Variants in STARD6 observed in about 807,000 individuals in gnomAD.
The protein encoded by STARD6 is StAR related lipid transfer domain containing 6.
A neutral mutation model predicts 22.3 loss-of-function variants in STARD6; 21 were observed. The observed-to-expected ratio is 0.94, with a 90% confidence interval of 0.67 to 1.35. The LOEUF is 1.35. Ranked by LOEUF, STARD6 falls within the 40% of genes most tolerant of loss-of-function variation. The pLI, the probability that STARD6 is intolerant of heterozygous loss-of-function variation, is 0.00. For missense variants in STARD6, 269 were observed against 266.9 expected, an observed-to-expected ratio of 1.01 and a Z score of -0.05; for synonymous variants, 80 against 88.1, an observed-to-expected ratio of 0.91 and a Z score of 0.52.
chr18:54,337,384 A>C (rs2088925592), intron 4 of STARD6, 133 bp from the exon 5 acceptor site: 1 of 663,716 alleles, frequency 1.5e-6, no homozygotes, highest in South Asian at 2.9e-5. Flanking sequence ...TACTATCAGC[A>C]ATTCAATATA....
At chr18:54,348,606 C>T (rs2144692093) in intron 4 of STARD6, among the ~76,000 whole-genome samples, 1 of 152,082 alleles carries the variant, frequency 6.6e-6, no homozygotes, top group South Asian at 2.1e-4. Flanking sequence ...AATAACAGTG[C>T]TTACATTGTG....
intron 4 of STARD6, among the ~76,000 whole-genome samples, chr18:54,351,176 C>G (rs1568174379): frequency 1.3e-5 from 2 of 152,092 alleles, no homozygotes; most frequent in Non-Finnish European, 2.9e-5. Flanking sequence ...TGCAGTTTCC[C>G]TTGTAGAGAT....
At chr18:54,325,236 TTC>T (rs1349992820) in intron 7 of STARD6, among the ~76,000 whole-genome samples, 1 of 151,766 alleles carries the variant, frequency 6.6e-6, no homozygotes. Flanking sequence ...GTGACTATCT[TTC>T]TCTCTCTCTA....
intron 5 of STARD6, among the ~76,000 whole-genome samples, chr18:54,336,747 C>T (rs1045068015): frequency 6.6e-6 from 1 of 152,164 alleles, no homozygotes; most frequent in Non-Finnish European, 1.5e-5. Flanking sequence ...TCGCCTTCTG[C>T]CATGATTGTA....
chr18:54,331,329 C>A (rs1375233556), intron 6 of STARD6, among the ~76,000 whole-genome samples: 1 of 152,086 alleles, frequency 6.6e-6, no homozygotes, highest in Non-Finnish European at 1.5e-5. Context: ...AATAAAAGCA[C>A]ATTTATGTAA....
chr18:54,336,800 A>G (rs960354906), intron 5 of STARD6, among the ~76,000 whole-genome samples: 1 of 152,234 alleles, frequency 6.6e-6, no homozygotes, highest in African/African-American at 2.4e-5. Context: ...ATAAGTCTAC[A>G]GACTTCCCAT....
intron 7 of STARD6, among the ~76,000 whole-genome samples, chr18:54,326,805 T>C (rs2088829075): frequency 1.3e-5 from 2 of 152,042 alleles, no homozygotes; most frequent in Non-Finnish European, 2.9e-5. Context: ...GTGCTGGAAT[T>C]ATACTCTCTC....
chr18:54,355,652 T>C (rs900037794), intron 2 of STARD6: 1 of 152,154 alleles, frequency 6.6e-6, no homozygotes, highest in Non-Finnish European at 1.5e-5. Context: ...CTCTGAGAAA[T>C]AAATTTATTG....
At chr18:54,329,286 A>G in intron 7 of STARD6, 61 bp downstream of exon 7, 1 of 1,371,740 alleles carries the variant, frequency 7.3e-7, no homozygotes, top group South Asian at 1.4e-5. Flanking sequence ...GCAATCTTAA[A>G]CTAAATCACA....
At chr18:54,340,295 G>A (rs972788032) in intron 4 of STARD6, among the ~76,000 whole-genome samples, 3 of 152,076 alleles carry the variant, frequency 2.0e-5, no homozygotes, top group Admixed American at 6.5e-5. Flanking sequence ...CCATATAGAA[G>A]TAAAGCTTTT....
Position 54,324,772 on chromosome 18 carries a change from A to C in STARD6, c.583T>G (p.Phe195Val), listed in dbSNP as rs901464226. 5.0e-6 allele frequency: 8 copies of C among 1,610,960 alleles called. No individual in the cohort carries two copies. Among genetic ancestry groups the C allele is most frequent in the Non-Finnish European group, 6.8e-6 (8 of 1,178,940 alleles). The part of the protein sequence containing the change: ...EKTMPSNLVN[F>V]ILNAKDGIKA... Reference sequence around the variant, plus strand: ...ATTCCATCTTTTGCATTGAGGATGAAGTTTACTAAGTTGGAAGGCATGGTT... The same window carrying C: ...ATTCCATCTTTTGCATTGAGGATGACGTTTACTAAGTTGGAAGGCATGGTT... Residue 195 changes from phenylalanine (F) to valine (V), a missense_variant, in exon 8 of 8, where the codon TTC (phenylalanine) becomes GTC (valine). By Grantham distance (50) the Phe-to-Val change is conservative. Transcript: ENST00000307844.
Position 54,324,820 on chromosome 18 carries a change from AT to A in STARD6, c.534del (p.Lys178AsnfsTer6). On this transcript the variant is annotated frameshift_variant, in exon 8 of 8. Coordinates refer to ENST00000307844, the MANE Select transcript of STARD6 (RefSeq NM_139171.2). LOFTEE classifies it low-confidence loss of function (END_TRUNC). Reference sequence around the variant, plus strand: ...GTTTTTTCAATTATTGATGGGGACAATTTTCCTCTCATTTCTGTCTGGACAA... The same window carrying A: ...GTTTTTTCAATTATTGATGGGGACAATTTCCTCTCATTTCTGTCTGGACAA... ...VMFVQTEMRGKLSPSIIEKTM... is the reference protein window; with the variant it reads ...VMFVQTEMRGXLSPSIIEKTM... The A allele has an allele frequency of 6.2e-7, 1 of 1,605,068 alleles. No individual in the cohort carries two copies. The highest frequency in any genetic ancestry group is 1.1e-5 in the South Asian group (1 of 89,500).
In STARD6 at chr18:54,329,408, A is replaced by G. The variant is rs1307096623; in HGVS notation, c.418T>C (p.Ser140Pro). ...KSVDFPEYPP[S>P]SNYIRGYNHP... ...TTATAACCGCGGATATAATTTGAAGATGGAGGATATTCTGGAAAATCCACA... is the reference window on the plus strand; with the variant it reads ...TTATAACCGCGGATATAATTTGAAGGTGGAGGATATTCTGGAAAATCCACA... The change falls in exon 7 of 8, where the codon TCT becomes CCT. Residue 140 changes from serine to proline, a missense_variant. Transcript: ENST00000307844. 6.2e-7 allele frequency: 1 copy of G among 1,604,218 alleles called. No homozygotes were observed. The highest frequency in any genetic ancestry group is 1.1e-5 in the South Asian group (1 of 89,030).
At chr18:54,357,545 T>C (rs1471195040) in intron 1 of STARD6, among the ~76,000 whole-genome samples, 2 of 152,056 alleles carry the variant, frequency 1.3e-5, no homozygotes, top group Admixed American at 6.5e-5. Flanking sequence ...TGAACTCACT[T>C]GGAAAAACTG....
intron 7 of STARD6, among the ~76,000 whole-genome samples, chr18:54,326,755 ATTT>A (rs1461212825): frequency 6.6e-6 from 1 of 151,518 alleles, no homozygotes; most frequent in Non-Finnish European, 1.5e-5. Flanking sequence ...CTCAAATTTT[ATTT>A]TTATTTATTA....
intron 1 of STARD6, chr18:54,357,156 T>C (rs922000958): frequency 1.3e-5 from 2 of 152,190 alleles, no homozygotes; most frequent in African/African-American, 4.8e-5. Flanking sequence ...TAAACCAACA[T>C]TGGGATGGCC....
At chr18:54,356,221 A>C (rs760646312) in intron 2 of STARD6, 140 bp downstream of exon 2, 3 of 152,250 alleles carry the variant, frequency 2.0e-5, no homozygotes, top group Non-Finnish European at 4.4e-5. Context: ...AAAACTCTTC[A>C]GGTTGGATCA....
rs760501311 is a variant in STARD6, at chr18:54,339,044, CAAAAAAAAAAAAAAAAAAA to C, written c.141-1812_141-1794del. 9.2e-3 allele frequency among the ~76,000 whole-genome samples: 96 copies of C among 10,412 alleles called. No homozygotes were observed. The South Asian group carries it at 0.29, about 32-fold the overall frequency. 6.8% of individuals were successfully genotyped at this position (10,412 alleles called of 152,430 possible). A position where few individuals can be genotyped will look rare whatever the true frequency, so the allele number is the denominator to read the frequency against. The stretch of plus-strand genomic sequence containing the variant: ...GCCTGGCGACAGAGTGAGACTCCAT[CAAAAAAAAAAAAAAAAAAA>C]AAAAAAAAAAAAAAAAACTCAAAGC... On this transcript the variant is annotated intron_variant, in intron 4 of 7. Transcript: ENST00000307844.
intron 4 of STARD6, among the ~76,000 whole-genome samples, chr18:54,344,791 C>T (rs983878231): frequency 5.9e-5 from 9 of 151,978 alleles, no homozygotes; most frequent in African/African-American, 1.9e-4. Context: ...ATAGACTAAA[C>T]AACAAAACCA....
Sources: allele counts gnomAD v4.1 joint callset (sites outside exome capture counted in the v4.1 genomes callset), GRCh38; gene constraint gnomAD v4.1.1; transcripts MANE v1.5; gene names NCBI Gene and HGNC (gene_info 2026-07-23, HGNC 2026-07-21).